The following CABIN1 variants were observed in gnomAD, a reference collection of about 807,000 sequenced individuals.
The protein encoded by CABIN1 is calcineurin-binding protein cabin-1.
Under a neutral mutation model 227.7 loss-of-function variants are expected in CABIN1, and 133 were observed. The observed-to-expected ratio is 0.58, with a 90% CI of 0.51 to 0.67. The LOEUF is 0.67. Among genes scored for constraint, CABIN1 ranks in the 30% least tolerant of loss-of-function variants. The pLI is 0.00. For missense variants in CABIN1, 2,408 were observed against 2,852.5 expected (o/e 0.84, Z 3.55); for synonymous variants, 1,086 against 1,155.1 (o/e 0.94, Z 1.21).
At chr22:24,165,830 T>C (rs752339391) in intron 31 of CABIN1, among the ~76,000 whole-genome samples, 3 of 152,206 alleles carry the variant, frequency 2.0e-5, no homozygotes, top group Non-Finnish European at 4.4e-5. Flanking sequence ...CAGTGAGTCA[T>C]GGATGCACTT....
At chr22:24,114,044 C>T (rs2042948636) in intron 27 of CABIN1, among the ~76,000 whole-genome samples, 1 of 150,848 alleles carries the variant, frequency 6.6e-6, no homozygotes, top group Non-Finnish European at 1.5e-5. Context: ...TCTGTGATAT[C>T]AGTGTGCTCT....
chr22:24,120,865 C>A lies in CABIN1; in HGVS notation c.4632+1167C>A, dbSNP rs767800675. On this transcript the variant is annotated intron_variant, in intron 28 of 36. Transcript: ENST00000263119. Reference sequence around the variant, plus strand: ...AAACATGCAGATGAGTAAAGCAAGTCTCATTTGAACAATACCACAGAGAAA... The same window carrying A: ...AAACATGCAGATGAGTAAAGCAAGTATCATTTGAACAATACCACAGAGAAA... Among the ~76,000 whole-genome samples, 49 of 152,158 alleles carry A rather than the reference C, an allele frequency of 3.2e-4. 1 individual carries two copies. Among genetic ancestry groups the A allele is most frequent in the Non-Finnish European group, 6.0e-4 (41 of 68,016 alleles).
intron 6 of CABIN1, among the ~76,000 whole-genome samples, chr22:24,043,489 C>T (rs1341448844): frequency 6.6e-6 from 1 of 151,918 alleles, no homozygotes; most frequent in Admixed American, 6.6e-5. Flanking sequence ...TGTTGGCTCA[C>T]GCCTGTAATC....
rs150006880 is a variant in CABIN1 at position 24,053,704 on chromosome 22, C to T, written c.807-1169C>T. ...TGAAGCACTGTTCTTTTATTCCTTT[C>T]TCAACACTTCCTGGATGCTGGCTCT... On this transcript the variant is annotated intron_variant, in intron 8 of 36. Coordinates refer to ENST00000263119, the MANE Select transcript of CABIN1 (RefSeq NM_012295.4). Among the ~76,000 whole-genome samples, 1,273 of 152,216 alleles carry T rather than the reference C, an allele frequency of 8.4e-3. 19 individuals carry two copies. The highest frequency in any genetic ancestry group is 0.029 in the African/African-American group (1,192 of 41,516).
chr22:24,079,564 G>A (rs1395465023), intron 19 of CABIN1, among the ~76,000 whole-genome samples: 1 of 152,188 alleles, frequency 6.6e-6, no homozygotes, highest in Non-Finnish European at 1.5e-5. Context: ...CCTAGGTACA[G>A]TAGACTTAAA....
intron 27 of CABIN1, among the ~76,000 whole-genome samples, chr22:24,114,957 A>C (rs1012315007): frequency 6.6e-6 from 1 of 152,176 alleles, no homozygotes; most frequent in African/African-American, 2.4e-5. Context: ...TCATCAAGAG[A>C]TGAGGCCACC....
chr22:24,155,636 C>G (rs2045738681), intron 29 of CABIN1, among the ~76,000 whole-genome samples: 1 of 152,232 alleles, frequency 6.6e-6, no homozygotes, highest in South Asian at 2.1e-4. Context: ...AGTCGTTTCC[C>G]CCACACACCT....
chr22:24,032,527 G>A (rs1601697392), intron 1 of CABIN1, among the ~76,000 whole-genome samples: 1 of 152,146 alleles, frequency 6.6e-6, no homozygotes, highest in African/African-American at 2.4e-5. Context: ...GGGTCATGTA[G>A]TAATTCTGTA....
intron 27 of CABIN1, among the ~76,000 whole-genome samples, chr22:24,118,087 G>A (rs571961127): frequency 2.8e-4 from 43 of 152,116 alleles, no homozygotes; most frequent in Non-Finnish European, 5.3e-4. Context: ...GCAGCCCATG[G>A]TAGGCTCTGG....
At chr22:24,119,903 A>G (rs894761234) in intron 28 of CABIN1, among the ~76,000 whole-genome samples, 2 of 152,230 alleles carry the variant, frequency 1.3e-5, no homozygotes, top group African/African-American at 4.8e-5. Context: ...CCAGGGTCAC[A>G]GCCAGGAATG....
At chr22:24,014,830 ATAGCTAAC>A (rs2035121300) in intron 1 of CABIN1, among the ~76,000 whole-genome samples, 1 of 152,126 alleles carries the variant, frequency 6.6e-6, no homozygotes, top group African/African-American at 2.4e-5. Context: ...CCTACCCTGT[ATAGCTAAC>A]TTTGGTATCT....
chr22:24,052,064 C>T (rs896789437), intron 8 of CABIN1, among the ~76,000 whole-genome samples: 1 of 152,136 alleles, frequency 6.6e-6, no homozygotes, highest in Non-Finnish European at 1.5e-5. Context: ...TGCTCCCCAA[C>T]TACAGAGGGT....
intron 29 of CABIN1, among the ~76,000 whole-genome samples, chr22:24,141,549 TGTTTTGGCAGA>T (rs1199377731): frequency 6.6e-6 from 1 of 152,180 alleles, no homozygotes; most frequent in Non-Finnish European, 1.5e-5. Flanking sequence ...CCTTGCCAGG[TGTTTTGGCAGA>T]GCCAGGCCAG....
At position 24,118,255 on chromosome 22, in the gene CABIN1, A is replaced by T. The variant is rs767318163; in HGVS notation, c.4301-1112A>T. 5.5e-4 allele frequency among the ~76,000 whole-genome samples: 84 copies of T among 152,166 alleles called. 1 individual carries two copies. The Middle Eastern group carries it at 0.024, about 43-fold the overall frequency. ...GCAGTGGGGTGGGCTGCAGGGGAGC[A>T]GGGAGGGAAGGTCAGACTAATAGCA... is the stretch of plus-strand genomic sequence containing the variant. On this transcript the variant is annotated intron_variant, in intron 27 of 36. Coordinates refer to ENST00000263119, the MANE Select transcript of CABIN1 (RefSeq NM_012295.4).
Position 24,178,321 on chromosome 22 carries a change from TGCCCA to T in CABIN1, c.*131_*135del. On this transcript the variant is annotated 3_prime_UTR_variant, in exon 37 of 37. Coordinates refer to ENST00000263119, the MANE Select transcript of CABIN1 (RefSeq NM_012295.4). The stretch of plus-strand genomic sequence containing the variant: ...CCACTCCCCACACAGCCCCCAGGCC[TGCCCA>T]GCCCACCTCCTCATGGCATCCTCCC... 1 of 1,229,460 alleles carries T rather than the reference TGCCCA, an allele frequency of 8.1e-7. No individual in the cohort carries two copies. Among genetic ancestry groups the T allele is most frequent in the Non-Finnish European group, 1.1e-6 (1 of 878,066 alleles). The allele number at this position is 1,229,460 out of a possible 1,614,324, so 76.2% of individuals were successfully genotyped here. A position where few individuals can be genotyped will look rare whatever the true frequency, so the allele number is the denominator to read the frequency against.
At chr22:24,149,557 G>T (rs182853524) in intron 29 of CABIN1, among the ~76,000 whole-genome samples, 60 of 152,296 alleles carry the variant, frequency 3.9e-4, no homozygotes, top group African/African-American at 1.4e-3. Context: ...TGAAGGAATC[G>T]TAGGAATTTG....
At chr22:24,159,328 C>G (rs2046017222) in intron 29 of CABIN1, among the ~76,000 whole-genome samples, 1 of 152,266 alleles carries the variant, frequency 6.6e-6, no homozygotes, top group Admixed American at 6.5e-5. Context: ...GGCAACCCTG[C>G]AGGCAGTGCC....
At chr22:24,155,276 CTCA>C (rs2148528516) in intron 29 of CABIN1, among the ~76,000 whole-genome samples, 1 of 152,280 alleles carries the variant, frequency 6.6e-6, no homozygotes, top group African/African-American at 2.4e-5. Context: ...GAGCCTGTTT[CTCA>C]TCTGTAGCAG....
chr22:24,072,346 A>C lies in CABIN1; in HGVS notation c.2476-8A>C. 6.2e-7 allele frequency: 1 copy of C among 1,614,080 alleles called. No homozygotes were observed. The highest frequency in any genetic ancestry group is 8.5e-7 in the Non-Finnish European group (1 of 1,180,010). ...ACACTTCTGCTGTCTCCCACCCCGC[A>C]CTGTCAGGTCATTGACTGCAGCATG... On this transcript the variant is annotated splice_region_variant and splice_polypyrimidine_tract_variant and intron_variant, in intron 17 of 36. Coordinates refer to ENST00000263119, the MANE Select transcript of CABIN1 (RefSeq NM_012295.4).
Sources: gnomAD v4.1 joint callset for allele counts (sites outside exome capture counted in the v4.1 genomes callset) on GRCh38, gnomAD v4.1.1 for gene constraint, MANE v1.5 for transcripts, NCBI Gene and HGNC (gene_info 2026-07-23, HGNC 2026-07-21) for gene names.